The following CFAP61 variants were observed in gnomAD, a reference collection of about 807,000 sequenced individuals.
CFAP61 encodes the protein cilia and flagella associated protein 61.
A neutral mutation model predicts 135.6 loss-of-function variants in CFAP61; 107 were observed. That is an observed-to-expected ratio of 0.79 (90% CI 0.67 to 0.93). The LOEUF (loss-of-function observed/expected upper bound fraction) is 0.93. Ranked by LOEUF, CFAP61 falls within the 40% of genes least tolerant of loss-of-function variation. The pLI is 0.00. For missense variants in CFAP61, 1,507 were observed against 1,556.2 expected (o/e 0.97, Z 0.53); for synonymous variants, 575 against 578.5 (o/e 0.99, Z 0.09).
intron 21 of CFAP61, among the ~76,000 whole-genome samples, chr20:20,273,277 T>C (rs143401350): frequency 2.6e-5 from 4 of 152,296 alleles, no homozygotes; most frequent in African/African-American, 2.4e-5. Context: ...ATATCTATCA[T>C]TTGTTGTAGG....
At chr20:20,142,693 G>A (rs574759403) in intron 8 of CFAP61, among the ~76,000 whole-genome samples, 164 bp from the exon 9 acceptor site, 5 of 152,220 alleles carry the variant, frequency 3.3e-5, no homozygotes, top group African/African-American at 9.6e-5. Context: ...AATTCGGGGG[G>A]GCTGCGGAGA....
At chr20:20,238,133 T>A (rs1369981417) in intron 18 of CFAP61, among the ~76,000 whole-genome samples, 2 of 152,212 alleles carry the variant, frequency 1.3e-5, no homozygotes, top group African/African-American at 2.4e-5. Context: ...AAAGTTAAAT[T>A]TTTTTCAGGG....
chr20:20,120,471 C>T (rs1342270692), intron 8 of CFAP61, among the ~76,000 whole-genome samples: 1 of 151,818 alleles, frequency 6.6e-6, no homozygotes, highest in African/African-American at 2.4e-5. Flanking sequence ...AGTTTTATTC[C>T]ATTGTGGTCA....
intron 13 of CFAP61, among the ~76,000 whole-genome samples, chr20:20,177,781 G>T (rs1415140718): frequency 7.4e-6 from 1 of 134,682 alleles, no homozygotes; most frequent in African/African-American, 2.9e-5. Context: ...GGTGTGGAGA[G>T]GGGATAGGAA....
intron 8 of CFAP61, among the ~76,000 whole-genome samples, chr20:20,125,002 T>C (rs2049960848): frequency 6.6e-6 from 1 of 151,860 alleles, no homozygotes; most frequent in African/African-American, 2.4e-5. Context: ...CTAGTTTGTG[T>C]GTATAAAGGT....
chr20:20,353,178 C>T (rs976553973), intron 26 of CFAP61, among the ~76,000 whole-genome samples: 1 of 152,168 alleles, frequency 6.6e-6, no homozygotes, highest in African/African-American at 2.4e-5. Context: ...GGGCCACTGT[C>T]TGTGGAGTTT....
chr20:20,089,898 C>G (rs1392241268), intron 6 of CFAP61, among the ~76,000 whole-genome samples: 1 of 152,134 alleles, frequency 6.6e-6, no homozygotes, highest in Non-Finnish European at 1.5e-5. Context: ...GCAGAGGCAT[C>G]TCAGGAATAA....
Position 20,326,234 on chromosome 20 carries a change from G to C in CFAP61, c.3423-15597G>C, listed in dbSNP as rs138788402. On this transcript the variant is annotated intron_variant, in intron 25 of 26. Coordinates refer to ENST00000245957, the MANE Select transcript of CFAP61 (RefSeq NM_015585.4). Reference sequence around the variant, plus strand: ...TATTTGGTTTACTATTCCTTTATTGGATATGTGTTTTGCAAAGATTTTCTC... The same window carrying C: ...TATTTGGTTTACTATTCCTTTATTGCATATGTGTTTTGCAAAGATTTTCTC... Among the ~76,000 whole-genome samples the C allele has an allele frequency of 4.6e-5, 7 of 152,184 alleles. No individual in the cohort carries two copies. The East Asian group carries it at 1.2e-3, about 25-fold the overall frequency.
intron 25 of CFAP61, among the ~76,000 whole-genome samples, chr20:20,325,030 A>G (rs2057690520): frequency 6.6e-6 from 1 of 152,182 alleles, no homozygotes; most frequent in Non-Finnish European, 1.5e-5. Flanking sequence ...ACAGAAGAAA[A>G]TGATCAGAAA....
chr20:20,159,274 G>T, intron 9 of CFAP61, 96 bp from the exon 10 acceptor site: 1 of 1,118,282 alleles, frequency 8.9e-7, no homozygotes, highest in Non-Finnish European at 1.4e-6. Context: ...AAGCTGTAGA[G>T]CCAGGGTCTG....
At chr20:20,171,872 CT>C (rs2054249094) in intron 13 of CFAP61, 2 of 658,880 alleles carry the variant, frequency 3.0e-6, no homozygotes, top group Non-Finnish European at 5.5e-6. Context: ...CCAGAGTGGA[CT>C]TTTCTTCCTT....
At chr20:20,185,410 T>C (rs958092519) in intron 13 of CFAP61, among the ~76,000 whole-genome samples, 1 of 152,044 alleles carries the variant, frequency 6.6e-6, no homozygotes, top group Non-Finnish European at 1.5e-5. Flanking sequence ...GGACTAGCAC[T>C]GGAGGTCTTG....
At chr20:20,142,747 C>A (rs1406110433) in intron 8 of CFAP61, 110 bp from the exon 9 acceptor site, 1 of 676,462 alleles carries the variant, frequency 1.5e-6, no homozygotes, top group African/African-American at 1.8e-5. Context: ...GAATAAAATT[C>A]TTTAGATCCA....
intron 13 of CFAP61, among the ~76,000 whole-genome samples, chr20:20,175,889 C>T (rs1008376701): frequency 2.0e-5 from 3 of 151,830 alleles, no homozygotes; most frequent in Non-Finnish European, 4.4e-5. Flanking sequence ...TGATTTATTA[C>T]AAAAGAAACT....
intron 21 of CFAP61, among the ~76,000 whole-genome samples, chr20:20,267,311 G>T (rs983800104): frequency 6.6e-6 from 1 of 152,214 alleles, no homozygotes; most frequent in East Asian, 1.9e-4. Context: ...AGAGGCATGG[G>T]CAGGGACAGA....
chr20:20,129,620 T>G (rs1453198161), intron 8 of CFAP61, among the ~76,000 whole-genome samples: 2 of 151,508 alleles, frequency 1.3e-5, no homozygotes, highest in Non-Finnish European at 2.9e-5. Context: ...TTGGAAAGTT[T>G]TTTTTTTTTT....
intron 22 of CFAP61, among the ~76,000 whole-genome samples, chr20:20,288,220 G>T (rs1476335361): frequency 6.6e-6 from 1 of 152,180 alleles, no homozygotes; most frequent in East Asian, 1.9e-4. Flanking sequence ...AGACCCGAGT[G>T]TCAGACACAG....
intron 6 of CFAP61, among the ~76,000 whole-genome samples, chr20:20,080,299 A>G (rs1047266312): frequency 2.6e-5 from 4 of 152,202 alleles, no homozygotes; most frequent in African/African-American, 9.6e-5. Context: ...CACTTAACAT[A>G]GCATCTCATC....
intron 18 of CFAP61, among the ~76,000 whole-genome samples, chr20:20,232,144 G>A (rs1034429310): frequency 1.3e-5 from 2 of 152,160 alleles, no homozygotes; most frequent in African/African-American, 4.8e-5. Context: ...CCTCATCTGT[G>A]CTGAAGGAGA....
Sources: allele counts gnomAD v4.1 joint callset (sites outside exome capture counted in the v4.1 genomes callset), GRCh38; gene constraint gnomAD v4.1.1; transcripts MANE v1.5; gene names NCBI Gene and HGNC (gene_info 2026-07-23, HGNC 2026-07-21).